GUCD1: variants seen among roughly 807,000 people sequenced by gnomAD.
The protein encoded by GUCD1 is protein GUCD1.
Under a neutral mutation model 28.3 loss-of-function variants are expected in GUCD1, and 17 were observed. The ratio of observed to expected loss-of-function variants is 0.60; its 90% CI spans 0.41 to 0.90. The LOEUF (loss-of-function observed/expected upper bound fraction) is 0.90, where lower values mean the gene tolerates loss of function less well. Ranked by LOEUF, GUCD1 falls within the 40% of genes least tolerant of loss-of-function variation. The probability of loss-of-function intolerance (pLI) is 0.00; values close to 1 mark genes in which losing one functional copy is unlikely to be tolerated. For missense variants in GUCD1, 279 were observed against 305.5 expected (o/e 0.91, Z 0.65); for synonymous variants, 129 against 123.3 (o/e 1.05, Z -0.30).
chr22:24,555,846 G>A (rs750133832), upstream of GUCD1: 6 of 1,540,868 alleles, frequency 3.9e-6, no homozygotes, highest in African/African-American at 8.2e-5. Flanking sequence ...TTCCGGTGCC[G>A]GAACTATCGT....
rs370831364 is a variant in GUCD1 at position 24,542,976 on chromosome 22, C to T, written c.*30G>A. On this transcript the variant is annotated 3_prime_UTR_variant, in exon 6 of 6. Transcript: ENST00000435822. ...GCCCGGCTGGGGTGGGGATGGGGTC[C>T]GAGGGCCTAGGCGCACCAGGCTCCT... 87 of 1,542,054 alleles carry T rather than the reference C, an allele frequency of 5.6e-5. No homozygotes were observed. The African/African-American group carries it at 7.5e-4, about 13-fold the overall frequency.
At chr22:24,545,409 T>C (rs565826693) in intron 4 of GUCD1, among the ~76,000 whole-genome samples, 15 of 152,224 alleles carry the variant, frequency 9.9e-5, no homozygotes, top group African/African-American at 3.4e-4. Flanking sequence ...GTTCAGATCA[T>C]GGCATGGCCA....
At chr22:24,554,567 G>T (rs2044979614) in intron 1 of GUCD1, among the ~76,000 whole-genome samples, 2 of 152,252 alleles carry the variant, frequency 1.3e-5, no homozygotes, top group African/African-American at 4.8e-5. Context: ...GAGAACGAAA[G>T]TGAAGAACAA....
upstream of GUCD1, chr22:24,555,222 G>C (rs2045019733): frequency 1.1e-6 from 1 of 948,540 alleles, no homozygotes; most frequent in Middle Eastern, 3.7e-4. Flanking sequence ...CCCAAACTTT[G>C]ATCTTAGAGG....
rs73879080 is a variant in GUCD1 at position 24,546,399 on chromosome 22, C to A, written c.386+515G>T. Among the ~76,000 whole-genome samples the A allele has an allele frequency of 1.5e-3, 230 of 152,340 alleles. 2 individuals carry two copies. Among genetic ancestry groups the A allele is most frequent in the South Asian group, 4.8e-3 (23 of 4,826 alleles). On this transcript the variant is annotated intron_variant, in intron 4 of 5. Transcript: ENST00000435822. ...GCAGCAGGTCTGAGCCCCACTCCCA[C>A]GTAGCCCAGAAAAGAATGTGACCCA... is the stretch of plus-strand genomic sequence containing the variant.
chr22:24,555,854 C>T (rs755794985), upstream of GUCD1: 1 of 1,534,006 alleles, frequency 6.5e-7, no homozygotes, highest in Admixed American at 2.0e-5. Flanking sequence ...CCGGAACTAT[C>T]GTACTGGTGC....
intron 1 of GUCD1, among the ~76,000 whole-genome samples, chr22:24,550,028 C>T (rs554284730): frequency 6.6e-6 from 1 of 152,332 alleles, no homozygotes; most frequent in Admixed American, 6.5e-5. Flanking sequence ...CTCCATCCCC[C>T]ACCAACCCTG....
At chr22:24,545,348 G>A (rs1017578657) in intron 4 of GUCD1, among the ~76,000 whole-genome samples, 2 of 152,152 alleles carry the variant, frequency 1.3e-5, no homozygotes, top group Non-Finnish European at 2.9e-5. Context: ...GGAAAAAGCA[G>A]GGGCTTGGCT....
intron 4 of GUCD1, among the ~76,000 whole-genome samples, chr22:24,544,822 G>A (rs1327711543): frequency 6.6e-6 from 1 of 152,102 alleles, no homozygotes; most frequent in Non-Finnish European, 1.5e-5. Flanking sequence ...GACCAGCCTG[G>A]GCAACACAGC....
rs2147070250 is a variant in GUCD1 at position 24,544,003 on chromosome 22, T to C, written c.467A>G (p.His156Arg). The change falls in exon 5 of 6, where the codon CAC (histidine) becomes CGC (arginine). Residue 156 changes from histidine (H) to arginine (R), a missense_variant. Transcript: ENST00000435822. Reference protein sequence around the residue: ...AIVLVNSGVLHCDLCSSPVKY... With the variant: ...AIVLVNSGVLRCDLCSSPVKY... Reference sequence around the variant, plus strand: ...GACAGGGCTGGAGCACAGGTCACAGTGCAGCACCCCCGAGTTCACCAGCAC... The same window carrying C: ...GACAGGGCTGGAGCACAGGTCACAGCGCAGCACCCCCGAGTTCACCAGCAC... The C allele has an allele frequency of 1.2e-6, 2 of 1,613,832 alleles. No individual in the cohort carries two copies. The highest frequency in any genetic ancestry group is 1.7e-6 in the Non-Finnish European group (2 of 1,179,890).
At chr22:24,549,107 G>A in intron 1 of GUCD1, 106 bp from the exon 2 acceptor site, 1 of 702,746 alleles carries the variant, frequency 1.4e-6, no homozygotes. Context: ...TGCAGGGGCT[G>A]CTCAGGGACC....
chr22:24,543,400 C>T (rs767626707), intron 5 of GUCD1, among the ~76,000 whole-genome samples: 7 of 152,170 alleles, frequency 4.6e-5, no homozygotes, highest in Non-Finnish European at 7.3e-5. Flanking sequence ...CTATGTGAAT[C>T]CAGTCTATGA....
upstream of GUCD1, chr22:24,555,824 A>G (rs367997605): frequency 1.5e-5 from 23 of 1,545,900 alleles, no homozygotes; most frequent in Middle Eastern, 6.5e-4. Context: ...GGGCCCAGTC[A>G]TCAGCCCTCT....
intron 1 of GUCD1, among the ~76,000 whole-genome samples, chr22:24,552,281 G>A (rs2044896690): frequency 6.6e-6 from 1 of 152,102 alleles, no homozygotes. Context: ...GAGCAAAATA[G>A]TGAGACCTCC....
chr22:24,553,340 T>C (rs1185121151), intron 1 of GUCD1, among the ~76,000 whole-genome samples: 1 of 152,196 alleles, frequency 6.6e-6, no homozygotes, highest in Non-Finnish European at 1.5e-5. Flanking sequence ...TAATGTTGTC[T>C]CCATGCTCTA....
In GUCD1 at chr22:24,542,927, C is replaced by T. The variant is rs1482634509; in HGVS notation, c.*79G>A. On this transcript the variant is annotated 3_prime_UTR_variant, in exon 6 of 6. Transcript: ENST00000435822. ...ACATTCCAACCCCAGCAGCCCCAAG[C>T]CTGGGCCAGGGCATCCTGAGCGGGC... is the stretch of plus-strand genomic sequence containing the variant. 2 of 1,021,724 alleles carry T rather than the reference C, an allele frequency of 2.0e-6. No homozygotes were observed. The highest frequency in any genetic ancestry group is 1.7e-5 in the Admixed American group (1 of 58,400). The allele number at this position is 1,021,724 out of a possible 1,614,324, so 63.3% of individuals were successfully genotyped here.
chr22:24,548,807 C>T, intron 2 of GUCD1, 110 bp downstream of exon 2: 1 of 800,002 alleles, frequency 1.3e-6, no homozygotes, highest in Non-Finnish European at 2.0e-6. Flanking sequence ...TCCTGCAAGC[C>T]CCAACCAAAG....
intron 5 of GUCD1, among the ~76,000 whole-genome samples, chr22:24,543,533 G>T (rs759298521): frequency 6.6e-5 from 10 of 152,162 alleles, no homozygotes; most frequent in Non-Finnish European, 1.2e-4. Context: ...CTGGTGGTTG[G>T]GGGAGGGGTG....
upstream of GUCD1, chr22:24,555,831 C>T: frequency 2.6e-6 from 4 of 1,544,484 alleles, no homozygotes; most frequent in Non-Finnish European, 3.5e-6. Context: ...GTCATCAGCC[C>T]TCTTTTCCGG....
Sources: gnomAD v4.1 joint callset for allele counts (sites outside exome capture counted in the v4.1 genomes callset) on GRCh38, gnomAD v4.1.1 for gene constraint, MANE v1.5 for transcripts, NCBI Gene and HGNC (gene_info 2026-07-23, HGNC 2026-07-21) for gene names.